DNMBP: variants seen among roughly 807,000 people sequenced by gnomAD.
The protein encoded by DNMBP is dynamin-binding protein.
A neutral mutation model predicts 150.0 loss-of-function variants in DNMBP; 87 were observed. The ratio of observed to expected loss-of-function variants is 0.58; its 90% confidence interval spans 0.49 to 0.69. DNMBP has a LOEUF of 0.69. DNMBP is among the 30% of genes least tolerant of loss of function. DNMBP has a pLI of 0.00. For synonymous variants in DNMBP, 711 were observed against 750.4 expected (o/e 0.95, Z 0.86); for missense variants, 1,774 against 1,949.0 (o/e 0.91, Z 1.69).
chr10:99,925,129 A>G (rs2040064251), intron 4 of DNMBP, among the ~76,000 whole-genome samples: 1 of 151,396 alleles, frequency 6.6e-6, no homozygotes, highest in South Asian at 2.1e-4. Flanking sequence ...CTTTCCTAAC[A>G]CTTTTTTTTT....
In DNMBP at chr10:99,990,345, G is replaced by C. The variant is rs141531529; in HGVS notation, c.-10-18211C>G. On this transcript the variant is annotated intron_variant, in intron 1 of 16. Transcript: ENST00000324109. ...AGGTGGGCAGATGGCTTGAGCTCAG[G>C]AGTTTGAGACCAGTCTGGGCAACAT... is the stretch of plus-strand genomic sequence containing the variant. 4.8e-3 allele frequency among the ~76,000 whole-genome samples: 723 copies of C among 152,164 alleles called. 8 individuals are homozygous for C. The highest frequency in any genetic ancestry group is 0.017 in the African/African-American group (697 of 41,526).
rs150063015 is a variant in DNMBP at position 99,955,648 on chromosome 10, C to T, written c.1826G>A (p.Arg609Lys). Residue 609 changes from arginine (R) to lysine (K), a missense_variant, in exon 4 of 17, where the codon AGG becomes AAG. By Grantham distance (26) the Arg-to-Lys change is conservative. Around this residue, in one of 2 missense-constraint regions of DNMBP, gnomAD observed 1,430 missense variants for 1,492.5 expected, o/e 0.96. Coordinates refer to ENST00000324109, the MANE Select transcript of DNMBP (RefSeq NM_015221.4). ...AGTACAGGGACGAGGTGGCGGTGGCCTTAGGGCCTTTCTCCTTTCCGGCAG... is the reference window on the plus strand; with the variant it reads ...AGTACAGGGACGAGGTGGCGGTGGCTTTAGGGCCTTTCTCCTTTCCGGCAG... Reference protein sequence around the residue: ...QELPERRKALRPPPPRPCTPV... With the variant: ...QELPERRKALKPPPPRPCTPV... The T allele has an allele frequency of 6.2e-7, 1 of 1,614,196 alleles. No homozygotes were observed. Among genetic ancestry groups the T allele is most frequent in the Non-Finnish European group, 8.5e-7 (1 of 1,180,040 alleles).
intron 7 of DNMBP, 83 bp downstream of exon 7, chr10:99,899,836 C>T (rs1191174605): frequency 2.1e-6 from 3 of 1,413,178 alleles, no homozygotes; most frequent in Non-Finnish European, 3.0e-6. Flanking sequence ...AATAAGATGT[C>T]ATCATCAAGT....
At position 99,978,121 on chromosome 10, in the gene DNMBP, C is replaced by T. The variant is rs4436484; in HGVS notation, c.-10-5987G>A. 3.3e-5 allele frequency among the ~76,000 whole-genome samples: 5 copies of T among 152,312 alleles called. No individual in the cohort carries two copies. The East Asian group carries it at 7.7e-4, about 23-fold the overall frequency. ...CAGCAAGTCTCCAAAGCCAGGGTGC[C>T]TGCATTCCAATCCCAGCACCACCAC... On this transcript the variant is annotated intron_variant, in intron 1 of 16. Transcript: ENST00000324109.
chr10:99,959,153 ATTTT>A (rs202242266), intron 3 of DNMBP, among the ~76,000 whole-genome samples: 6 of 151,792 alleles, frequency 4.0e-5, no homozygotes, highest in African/African-American at 9.7e-5. Context: ...TTCCTCATTA[ATTTT>A]TTTTTGTTTG....
At chr10:100,004,385 G>A (rs183613246) in intron 1 of DNMBP, among the ~76,000 whole-genome samples, 1 of 152,188 alleles carries the variant, frequency 6.6e-6, no homozygotes, top group East Asian at 1.9e-4. Context: ...ATGGCTTGCT[G>A]TGCCAGTCAT....
At chr10:99,931,225 T>C (rs1337202996) in intron 4 of DNMBP, among the ~76,000 whole-genome samples, 2 of 152,078 alleles carry the variant, frequency 1.3e-5, no homozygotes, top group African/African-American at 4.8e-5. Flanking sequence ...CCACCAGGGG[T>C]ATAAACAAGT....
chr10:99,930,517 C>T, intron 4 of DNMBP: 1 of 703,010 alleles, frequency 1.4e-6, no homozygotes. Context: ...TCATGTGCTT[C>T]CCCACAGTCC....
intron 15 of DNMBP, among the ~76,000 whole-genome samples, chr10:99,881,969 C>G (rs2039374422): frequency 6.6e-6 from 1 of 152,126 alleles, no homozygotes; most frequent in Non-Finnish European, 1.5e-5. Context: ...GGAAGGTAGT[C>G]AAGTACCCAT....
At chr10:99,921,796 T>TGG (rs1443465962) in intron 4 of DNMBP, among the ~76,000 whole-genome samples, 19 of 115,338 alleles carry the variant, frequency 1.6e-4, no homozygotes, top group Admixed American at 6.3e-4. Flanking sequence ...ACCTGGGAGG[T>TGG]GGGGGCTGCA....
chr10:99,898,784 GAA>G (rs1239554708), intron 7 of DNMBP, 24 bp from the exon 8 acceptor site: 3 of 1,609,186 alleles, frequency 1.9e-6, no homozygotes, highest in African/African-American at 2.7e-5. Flanking sequence ...GGCATGAAAA[GAA>G]AAGAGACAGT....
chr10:99,905,381 C>T (rs1027063018), intron 6 of DNMBP, among the ~76,000 whole-genome samples: 1 of 152,218 alleles, frequency 6.6e-6, no homozygotes, highest in Admixed American at 6.5e-5. Flanking sequence ...CCATCAATTA[C>T]TAGCCATGTG....
At chr10:99,890,559 C>T (rs1431261590) in intron 11 of DNMBP, among the ~76,000 whole-genome samples, 1 of 152,130 alleles carries the variant, frequency 6.6e-6, no homozygotes, top group Non-Finnish European at 1.5e-5. Flanking sequence ...AGAAAATGGC[C>T]AACAGAGGGA....
intron 1 of DNMBP, among the ~76,000 whole-genome samples, chr10:99,977,904 C>T (rs2040745622): frequency 6.6e-6 from 1 of 152,198 alleles, no homozygotes; most frequent in Admixed American, 6.5e-5. Context: ...TCCAGCTTGT[C>T]TATCTATGTA....
chr10:99,964,679 TGGCC>T (rs2040601258), intron 3 of DNMBP, among the ~76,000 whole-genome samples: 1 of 151,556 alleles, frequency 6.6e-6, no homozygotes, highest in African/African-American at 2.4e-5. Flanking sequence ...GAGACCAGCT[TGGCC>T]AAAATGGTGA....
chr10:99,898,055 ACCTCCTTTT>A (rs1300901251), intron 9 of DNMBP, 22 bp downstream of exon 9: 1 of 1,582,622 alleles, frequency 6.3e-7, no homozygotes, highest in South Asian at 1.1e-5. Context: ...CAAAGGGCAT[ACCTCCTTTT>A]CAGCAATTAT....
In DNMBP at chr10:99,885,813, C is replaced by A; in HGVS notation, c.3672G>T (p.Glu1224Asp). 1 of 1,613,156 alleles carries A rather than the reference C, an allele frequency of 6.2e-7. No homozygotes were observed. Among genetic ancestry groups the A allele is most frequent in the Non-Finnish European group, 8.5e-7 (1 of 1,179,710 alleles). Residue 1224 changes from glutamate to aspartate, a missense_variant, in exon 14 of 17, where the codon GAG becomes GAT. Glu to Asp is a conservative substitution (Grantham distance 45). Transcript: ENST00000324109. ...GGAGTTGCTGCAGAACTCTGCTGTG[C>A]TCTTCGTGGAAGATGGCAATAAGGT... Reference protein sequence around the residue: ...EGNLIAIFHEEHSRVLQQLQV... With the variant: ...EGNLIAIFHEDHSRVLQQLQV...
Position 99,956,000 on chromosome 10 carries a change from G to A in DNMBP, c.1474C>T (p.Pro492Ser). 6.2e-7 allele frequency: 1 copy of A among 1,614,182 alleles called. No individual in the cohort carries two copies. Among genetic ancestry groups the A allele is most frequent in the Non-Finnish European group, 8.5e-7 (1 of 1,180,042 alleles). Residue 492 changes from proline (P) to serine (S), a missense_variant, in exon 4 of 17, where the codon CCC becomes TCC. Coordinates refer to ENST00000324109, the MANE Select transcript of DNMBP (RefSeq NM_015221.4). The stretch of plus-strand genomic sequence containing the variant: ...TGGAGCTGAGGACTTGATTGTCTGG[G>A]TTTGACTACCCTTGAAGCTGAAACA... ...SSVSASRVVK[P>S]RQSSPQLHNL...
At chr10:99,879,130 A>G (rs1449933648) in intron 16 of DNMBP, among the ~76,000 whole-genome samples, 1 of 151,008 alleles carries the variant, frequency 6.6e-6, no homozygotes, top group Non-Finnish European at 1.5e-5. Context: ...CAAAGCCTAC[A>G]ATCAAACTCA....
Sources: allele counts gnomAD v4.1 joint callset (sites outside exome capture counted in the v4.1 genomes callset), GRCh38; gene constraint gnomAD v4.1.1; regional missense constraint gnomAD v4.1.1; transcripts MANE v1.5; gene names NCBI Gene and HGNC (gene_info 2026-07-23, HGNC 2026-07-21).